The following BPIFB1 variants were observed in gnomAD, a reference collection of about 807,000 sequenced individuals.
The protein encoded by BPIFB1 is BPI fold-containing family B member 1.
In BPIFB1, 34 loss-of-function variants were observed where a neutral mutation model predicts 55.1. That is an observed-to-expected ratio of 0.62 (90% CI 0.47 to 0.82). The LOEUF (loss-of-function observed/expected upper bound fraction) is 0.82, where lower values mean the gene tolerates loss of function less well. Among genes scored for constraint, BPIFB1 ranks in the 40% least tolerant of loss-of-function variants. The pLI, the probability that BPIFB1 is intolerant of heterozygous loss-of-function variation, is 0.00. For missense variants in BPIFB1, 532 were observed against 593.1 expected, an observed-to-expected ratio of 0.90 and a Z score of 1.07; for synonymous variants, 236 against 245.3, an observed-to-expected ratio of 0.96 and a Z score of 0.35.
Position 33,304,813 on chromosome 20 carries a change from AG to A in BPIFB1, c.1209-29del, listed in dbSNP as rs1415985174. ...GTGGATGGTGAATGAGTGGGACTTC[AG>A]GGGCCGCTCTCACAGGCATCTTCCA... is the stretch of plus-strand genomic sequence containing the variant. On this transcript the variant is annotated intron_variant, in intron 12 of 15. Coordinates refer to ENST00000253354, the MANE Select transcript of BPIFB1 (RefSeq NM_033197.3). 3.7e-6 allele frequency: 6 copies of A among 1,613,798 alleles called. No homozygotes were observed. The African/African-American group carries it at 8.0e-5, about 22-fold the overall frequency.
chr20:33,304,685 C>G (rs1485297069), intron 12 of BPIFB1, among the ~76,000 whole-genome samples, 161 bp from the exon 13 acceptor site: 4 of 151,940 alleles, frequency 2.6e-5, no homozygotes, highest in African/African-American at 9.7e-5. Context: ...CCCACCCCTG[C>G]CATTAGAATG....
At chr20:33,291,172 C>A (rs952727222) in intron 5 of BPIFB1, 66 bp downstream of exon 5, 1 of 1,573,280 alleles carries the variant, frequency 6.4e-7, no homozygotes, top group South Asian at 1.1e-5. Context: ...CAGTGGACTT[C>A]CCCCATTTTA....
At position 33,289,890 on chromosome 20, in the gene BPIFB1, A is replaced by G. The variant is rs1980401111; in HGVS notation, c.263A>G (p.Lys88Arg). ...NTVLKHIIWL[K>R]VITANILQLQ... ...CTCTCCTAAACCCCATCCAGGCTGA[A>G]GGTCATCACAGCTAACATCCTCCAG... is the stretch of plus-strand genomic sequence containing the variant. The change falls in exon 4 of 16, where the codon AAG becomes AGG. Residue 88 changes from lysine to arginine, a missense_variant. Coordinates refer to ENST00000253354, the MANE Select transcript of BPIFB1 (RefSeq NM_033197.3). 1.2e-6 allele frequency: 2 copies of G among 1,614,070 alleles called. No homozygotes were observed. The highest frequency in any genetic ancestry group is 1.7e-6 in the Non-Finnish European group (2 of 1,179,906).
At chr20:33,304,930 G>A in intron 13 of BPIFB1, 39 bp downstream of exon 13, 1 of 1,606,652 alleles carries the variant, frequency 6.2e-7, no homozygotes, top group South Asian at 1.1e-5. Context: ...CACAGGGGGT[G>A]GCCTGGAATG....
intron 7 of BPIFB1, among the ~76,000 whole-genome samples, chr20:33,298,343 C>T (rs905060378): frequency 1.3e-5 from 2 of 152,192 alleles, no homozygotes; most frequent in Non-Finnish European, 2.9e-5. Flanking sequence ...ATAGCAGATA[C>T]GGGAGGGCAC....
At chr20:33,298,038 A>T (rs1376854800) in intron 7 of BPIFB1, among the ~76,000 whole-genome samples, 2 of 152,152 alleles carry the variant, frequency 1.3e-5, no homozygotes, top group Non-Finnish European at 2.9e-5. Flanking sequence ...TGCTAAATGG[A>T]TGGATGGATA....
chr20:33,292,476 T>A (rs969448490), intron 6 of BPIFB1, among the ~76,000 whole-genome samples: 3 of 152,156 alleles, frequency 2.0e-5, no homozygotes, highest in African/African-American at 7.2e-5. Flanking sequence ...TAGGAAGCAA[T>A]GCGTTTTAAA....
chr20:33,297,657 C>G (rs1483184215), intron 7 of BPIFB1, 69 bp downstream of exon 7: 1 of 1,531,568 alleles, frequency 6.5e-7, no homozygotes, highest in African/African-American at 1.4e-5. Context: ...CTGACTCCAC[C>G]AAGGGAAGGC....
intron 5 of BPIFB1, 142 bp downstream of exon 5, chr20:33,291,248 G>A (rs970212992): frequency 8.8e-7 from 1 of 1,141,150 alleles, no homozygotes; most frequent in East Asian, 2.6e-5. Flanking sequence ...CTGATCTGGG[G>A]CTCCTTCCAG....
In BPIFB1 at chr20:33,290,957, G is replaced by A. The variant is rs749004529; in HGVS notation, c.366G>A (p.Thr122=). ...ATGGTCAGGTGCCTCCACCCGCTAG[G>A]CCCCTGGTCAAGACCATCGTGGAGT... ...IPLDMVAGFN[T]PLVKTIVEFH... Residue 122 remains threonine (T), a splice_region_variant and synonymous_variant, in exon 5 of 16, where the codon ACG becomes ACA. Transcript: ENST00000253354. 9.3e-6 allele frequency: 15 copies of A among 1,613,444 alleles called. No homozygotes were observed. Among genetic ancestry groups the A allele is most frequent in the Middle Eastern group, 1.6e-4 (1 of 6,082 alleles).
In BPIFB1 at chr20:33,284,669, G is replaced by A. The variant is rs540131079; in HGVS notation, c.-41-1364G>A. 2.0e-4 allele frequency among the ~76,000 whole-genome samples: 31 copies of A among 152,230 alleles called. No homozygotes were observed. In the South Asian group the frequency reaches 3.5e-3, roughly 17 times the overall value. The stretch of plus-strand genomic sequence containing the variant: ...AGCGAGGGGCTCAGATCTCTGCAGC[G>A]TCTCCCCTCCCTCCAAGCAGGACAG... On this transcript the variant is annotated intron_variant, in intron 1 of 15. Transcript: ENST00000253354.
chr20:33,294,585 G>A (rs1980572351), intron 6 of BPIFB1, among the ~76,000 whole-genome samples: 1 of 152,050 alleles, frequency 6.6e-6, no homozygotes, highest in African/African-American at 2.4e-5. Context: ...TTTCAAGGTG[G>A]GAATTTCATA....
In BPIFB1 at chr20:33,309,804, C is replaced by T. The variant is rs753403062; in HGVS notation, c.*37C>T. ...GCAGCCATCAGGGAAGGCTGGGTCC[C>T]AGCTGGGAGTATGGGTGTGAGCTCT... is the stretch of plus-strand genomic sequence containing the variant. On this transcript the variant is annotated 3_prime_UTR_variant, in exon 16 of 16. Coordinates refer to ENST00000253354, the MANE Select transcript of BPIFB1 (RefSeq NM_033197.3). This position sits in a 1 kb window ranked among gnomAD's most constrained non-coding sequence, Gnocchi z 4.4. The T allele has an allele frequency of 2.5e-6, 4 of 1,582,784 alleles. No homozygotes were observed. The Admixed American group carries it at 5.0e-5, about 20-fold the overall frequency.
chr20:33,301,540 C>G lies in BPIFB1; in HGVS notation c.927+128C>G, dbSNP rs539302252. Reference sequence around the variant, plus strand: ...TTTAATGGAGATCTCACTCCCTCCTCTAATAGACCCTGCCTCTGACATAGC... The same window carrying G: ...TTTAATGGAGATCTCACTCCCTCCTGTAATAGACCCTGCCTCTGACATAGC... On this transcript the variant is annotated intron_variant, in intron 9 of 15. Transcript: ENST00000253354. 4 of 792,464 alleles carry G rather than the reference C, an allele frequency of 5.0e-6. No individual in the cohort carries two copies. In the African/African-American group the frequency reaches 7.0e-5, roughly 14 times the overall value. The allele number at this position is 792,464 out of a possible 1,614,324, so 49.1% of individuals were successfully genotyped here.
rs139417514 is a variant in BPIFB1 at position 33,294,789 on chromosome 20, G to A, written c.598-2736G>A. Among the ~76,000 whole-genome samples, 209 of 152,264 alleles carry A rather than the reference G, an allele frequency of 1.4e-3. 3 individuals are homozygous for A. Among genetic ancestry groups the A allele is most frequent in the Non-Finnish European group, 8.2e-4 (56 of 68,032 alleles). ...GTAGAAAGAACAATGTGTGAAAGCC[G>A]GCATCCCATTATCATCAGCAAATCC... On this transcript the variant is annotated intron_variant, in intron 6 of 15. Coordinates refer to ENST00000253354, the MANE Select transcript of BPIFB1 (RefSeq NM_033197.3).
intron 7 of BPIFB1, 146 bp downstream of exon 7, chr20:33,297,734 C>A: frequency 1.2e-6 from 1 of 807,230 alleles, no homozygotes; most frequent in Non-Finnish European, 2.1e-6. Context: ...CAGTTGATCC[C>A]TGCCCCAGAC....
intron 9 of BPIFB1, among the ~76,000 whole-genome samples, chr20:33,301,866 A>C (rs1568652798): frequency 6.6e-6 from 1 of 152,160 alleles, no homozygotes; most frequent in Non-Finnish European, 1.5e-5. Context: ...GGCACAGCCG[A>C]TAACCACCAC....
chr20:33,295,937 A>G (rs1361248591), intron 6 of BPIFB1, among the ~76,000 whole-genome samples: 1 of 130,016 alleles, frequency 7.7e-6, no homozygotes, highest in African/African-American at 2.8e-5. Flanking sequence ...GGAAGGAAGG[A>G]CGGAAAAAGA....
chr20:33,285,904 C>T lies in BPIFB1; in HGVS notation c.-41-129C>T, dbSNP rs1249381622. Reference sequence around the variant, plus strand: ...AAGAGGTTACGTTGATTGCCTAAGGCTACACAGCTAGCCCAGGCAGTTAAA... The same window carrying T: ...AAGAGGTTACGTTGATTGCCTAAGGTTACACAGCTAGCCCAGGCAGTTAAA... On this transcript the variant is annotated intron_variant, in intron 1 of 15. Transcript: ENST00000253354. 8.3e-6 allele frequency: 5 copies of T among 604,982 alleles called. No individual in the cohort carries two copies. The Admixed American group carries it at 1.4e-4, about 17-fold the overall frequency. The allele number at this position is 604,982 out of a possible 1,614,324, so 37.5% of individuals were successfully genotyped here.
Sources: allele counts gnomAD v4.1 joint callset (sites outside exome capture counted in the v4.1 genomes callset), GRCh38; gene constraint gnomAD v4.1.1; non-coding constraint Gnocchi (gnomAD v3.1); transcripts MANE v1.5; gene names NCBI Gene and HGNC (gene_info 2026-07-23, HGNC 2026-07-21).